CAMSAP2: variants seen among roughly 807,000 people sequenced by gnomAD.
The protein encoded by CAMSAP2 is calmodulin-regulated spectrin-associated protein 2.
CAMSAP2 carries 26 observed loss-of-function variants against 146.1 expected under a neutral mutation model. That is an observed-to-expected ratio of 0.18 (90% CI 0.13 to 0.25). The LOEUF is 0.25. Ranked by LOEUF, CAMSAP2 falls within the 10% of genes least tolerant of loss-of-function variation. CAMSAP2 has a pLI of 1.00. For synonymous variants in CAMSAP2, 499 were observed against 596.6 expected (o/e 0.84, Z 2.38); for missense variants, 1,381 against 1,759.3 (o/e 0.78, Z 3.85).
intron 1 of CAMSAP2, among the ~76,000 whole-genome samples, chr1:200,748,757 GA>G (rs376693145): frequency 2.8e-5 from 4 of 144,790 alleles, no homozygotes; most frequent in African/African-American, 1.0e-4. Context: ...ATTCAGGTTT[GA>G]TTTTTTTTTT....
intron 2 of CAMSAP2, among the ~76,000 whole-genome samples, chr1:200,795,201 T>A (rs1416268474): frequency 6.6e-6 from 1 of 152,208 alleles, no homozygotes; most frequent in Non-Finnish European, 1.5e-5. Flanking sequence ...ATTTAAATAA[T>A]CCTGGACTTG....
intron 3 of CAMSAP2, among the ~76,000 whole-genome samples, chr1:200,810,006 C>T (rs772897028): frequency 6.6e-6 from 1 of 152,174 alleles, no homozygotes; most frequent in Non-Finnish European, 1.5e-5. Context: ...GGTCTGCTCT[C>T]ATAACCCAGT....
At chr1:200,844,912 T>G in intron 8 of CAMSAP2, 43 bp downstream of exon 8, 1 of 1,049,908 alleles carries the variant, frequency 9.5e-7, no homozygotes, top group Non-Finnish European at 1.4e-6. Context: ...TCTATTCTAT[T>G]TACTAATTAA....
In CAMSAP2 at chr1:200,854,266, G is replaced by C. The variant is rs1339765715; in HGVS notation, c.3824-551G>C. On this transcript the variant is annotated intron_variant, in intron 13 of 16. Coordinates refer to ENST00000358823, the MANE Select transcript of CAMSAP2 (RefSeq NM_203459.4). ...CAAAGTGTTAGGATTACAGGTGTGA[G>C]TCACTGCGCCTGGCCATACTCTTAT... Among the ~76,000 whole-genome samples, 8 of 152,168 alleles carry C rather than the reference G, an allele frequency of 5.3e-5. 1 individual carries two copies. Among genetic ancestry groups the C allele is most frequent in the African/African-American group, 1.4e-4 (6 of 41,434 alleles).
At position 200,857,719 on chromosome 1, in the gene CAMSAP2, G is replaced by A. The variant is rs751506198; in HGVS notation, c.4132-35G>A. 26 of 1,497,926 alleles carry A rather than the reference G, an allele frequency of 1.7e-5. No individual in the cohort carries two copies. In the East Asian group the frequency reaches 2.5e-4, roughly 14 times the overall value. 92.8% of individuals were successfully genotyped at this position (1,497,926 alleles called of 1,614,324 possible). A position where few individuals can be genotyped will look rare whatever the true frequency, so the allele number is the denominator to read the frequency against. On this transcript the variant is annotated intron_variant, in intron 16 of 16. Transcript: ENST00000358823. This position sits in a 1 kb window ranked among gnomAD's most constrained non-coding sequence, Gnocchi z 4.7. ...TCAGCAAAATAAAGGGTTTTTATTC[G>A]TGTTGTTATGTTGTTTTTGTTTTTT... is the stretch of plus-strand genomic sequence containing the variant.
At chr1:200,827,615 A>ATC (rs1354280516) in intron 4 of CAMSAP2, among the ~76,000 whole-genome samples, 1 of 152,112 alleles carries the variant, frequency 6.6e-6, no homozygotes, top group Non-Finnish European at 1.5e-5. Context: ...GGAAGCTGGT[A>ATC]TGTTTCTGAT....
chr1:200,852,750 A>G, intron 12 of CAMSAP2, 73 bp downstream of exon 12: 1 of 1,464,020 alleles, frequency 6.8e-7, no homozygotes, highest in Non-Finnish European at 9.2e-7. Context: ...AAAAGTTGGT[A>G]AGTACTCAAA....
Position 200,757,598 on chromosome 1 carries a change from AT to A in CAMSAP2, c.140-3232del, listed in dbSNP as rs201370248. ...ATTTTCTAATATGCTGTTTCAGTTC[AT>A]TTTTTTTTAATGTGGTACAATTCCA... On this transcript the variant is annotated intron_variant, in intron 1 of 16. Transcript: ENST00000358823. Among the ~76,000 whole-genome samples, 296 of 148,104 alleles carry A rather than the reference AT, an allele frequency of 2.0e-3. 2 individuals carry two copies. The highest frequency in any genetic ancestry group is 6.9e-3 in the African/African-American group (279 of 40,254).
chr1:200,848,173 T>A lies in CAMSAP2; in HGVS notation c.1404T>A (p.Ile468=). 6.2e-7 allele frequency: 1 copy of A among 1,613,820 alleles called. No individual in the cohort carries two copies. Among genetic ancestry groups the A allele is most frequent in the South Asian group, 1.1e-5 (1 of 91,052 alleles). Residue 468 remains isoleucine, a synonymous_variant, in exon 11 of 17, where the codon ATT becomes ATA. Coordinates refer to ENST00000358823, the MANE Select transcript of CAMSAP2 (RefSeq NM_203459.4). ...ACAACAGTCATGTATCTAAACACATTAGGAAAAATTTGTCCTTCAAGCCAA... is the reference window on the plus strand; with the variant it reads ...ACAACAGTCATGTATCTAAACACATAAGGAAAAATTTGTCCTTCAAGCCAA... The part of the protein sequence containing the change: ...TLNNSHVSKH[I]RKNLSFKPIN...
chr1:200,783,239 G>A (rs750225532), intron 2 of CAMSAP2, among the ~76,000 whole-genome samples: 9 of 152,134 alleles, frequency 5.9e-5, no homozygotes, highest in Non-Finnish European at 1.2e-4. Flanking sequence ...ACATTCTAGT[G>A]TAAATTAGAT....
In CAMSAP2 at chr1:200,810,833, G is replaced by A. The variant is rs1326783151; in HGVS notation, c.561+3296G>A. On this transcript the variant is annotated intron_variant, in intron 3 of 16. Coordinates refer to ENST00000358823, the MANE Select transcript of CAMSAP2 (RefSeq NM_203459.4). The stretch of plus-strand genomic sequence containing the variant: ...GAACCTGGTAGGTGGAGGTTGCAGC[G>A]ACTCGAGATTGCACCACTGCACACC... 4.6e-5 allele frequency among the ~76,000 whole-genome samples: 7 copies of A among 151,902 alleles called. No individual in the cohort carries two copies. The South Asian group carries it at 1.0e-3, about 23-fold the overall frequency.
intron 6 of CAMSAP2, among the ~76,000 whole-genome samples, chr1:200,841,549 T>C (rs756906454): frequency 6.6e-6 from 1 of 152,132 alleles, no homozygotes; most frequent in Non-Finnish European, 1.5e-5. Flanking sequence ...CCCGGCCAAA[T>C]AAAGTATTTT....
At position 200,788,338 on chromosome 1, in the gene CAMSAP2, A is replaced by C. The variant is rs190944083; in HGVS notation, c.400-19038A>C. On this transcript the variant is annotated intron_variant, in intron 2 of 16. Transcript: ENST00000358823. ...GGCAATTATGAATAAAGCTTACATA[A>C]TCATCTGTGTTTAGGTTTTTATGTG... Among the ~76,000 whole-genome samples the C allele has an allele frequency of 6.0e-4, 91 of 152,312 alleles. 1 individual carries two copies. Among genetic ancestry groups the C allele is most frequent in the Admixed American group, 5.6e-3 (86 of 15,300 alleles).
intron 2 of CAMSAP2, among the ~76,000 whole-genome samples, chr1:200,778,293 T>C (rs560135415): frequency 1.3e-5 from 2 of 152,276 alleles, no homozygotes; most frequent in South Asian, 4.1e-4. Context: ...ACTAAGAGAG[T>C]GGTGGAGGTT....
chr1:200,764,186 A>C (rs1260113574), intron 2 of CAMSAP2, among the ~76,000 whole-genome samples: 1 of 152,146 alleles, frequency 6.6e-6, no homozygotes, highest in Non-Finnish European at 1.5e-5. Context: ...GTTTAATTGC[A>C]CTGAATATAT....
chr1:200,811,886 C>T (rs1169340918), intron 3 of CAMSAP2, among the ~76,000 whole-genome samples: 2 of 152,166 alleles, frequency 1.3e-5, no homozygotes, highest in Non-Finnish European at 2.9e-5. Context: ...CTTTGACTTC[C>T]TTCCCGCTAT....
intron 3 of CAMSAP2, among the ~76,000 whole-genome samples, chr1:200,814,625 AAAAAAAAAAC>A (rs1449667305): frequency 1.1e-4 from 16 of 143,198 alleles, no homozygotes; most frequent in East Asian, 2.0e-4. Flanking sequence ...AAAAAAAAAA[AAAAAAAAAAC>A]AAGAAGAAGA....
At chr1:200,806,254 G>C (rs1310257402) in intron 2 of CAMSAP2, among the ~76,000 whole-genome samples, 2 of 152,156 alleles carry the variant, frequency 1.3e-5, no homozygotes, top group Non-Finnish European at 2.9e-5. Context: ...GTTAAGAATA[G>C]GCAAAAGATT....
intron 1 of CAMSAP2, among the ~76,000 whole-genome samples, chr1:200,752,328 A>T (rs1664529382): frequency 6.6e-6 from 1 of 152,164 alleles, no homozygotes; most frequent in Admixed American, 6.5e-5. Flanking sequence ...AATATTGCTT[A>T]ATGTATCTAT....
Sources: gnomAD v4.1 joint callset for allele counts (sites outside exome capture counted in the v4.1 genomes callset) on GRCh38, gnomAD v4.1.1 for gene constraint, Gnocchi (gnomAD v3.1) non-coding constraint, MANE v1.5 for transcripts, NCBI Gene and HGNC (gene_info 2026-07-23, HGNC 2026-07-21) for gene names.